Variants in ANO4 observed in about 807,000 individuals in gnomAD.
ANO4 encodes anoctamin 4.
A neutral mutation model predicts 141.9 loss-of-function variants in ANO4; 69 were observed. The ratio of observed to expected loss-of-function variants is 0.49; its 90% CI spans 0.40 to 0.59. The LOEUF (loss-of-function observed/expected upper bound fraction) is 0.59, where lower values mean the gene tolerates loss of function less well. ANO4 is among the 20% of genes least tolerant of loss of function. The pLI is 0.00. For missense variants in ANO4, 894 were observed against 1,162.2 expected (o/e 0.77, Z 3.36); for synonymous variants, 350 against 394.3 (o/e 0.89, Z 1.33).
chr12:100,977,931 G>C (rs1368394206), intron 7 of ANO4, among the ~76,000 whole-genome samples: 1 of 152,150 alleles, frequency 6.6e-6, no homozygotes, highest in African/African-American at 2.4e-5. Context: ...GCTCACGTGG[G>C]TTTATGTGCT....
intron 3 of ANO4, among the ~76,000 whole-genome samples, chr12:100,780,033 G>GT (rs926416709): frequency 2.0e-5 from 3 of 151,530 alleles, no homozygotes; most frequent in Admixed American, 6.6e-5. Flanking sequence ...TTTTCAATTT[G>GT]TTTTTTTTAA....
chr12:101,063,745 C>CTTTTT lies in ANO4; in HGVS notation c.1312+15373_1312+15377dup. Reference sequence around the variant, plus strand: ...ATGGATGGAAGGTTGTCCAGGTTATCTTTTTTTTTTTTTTTTTTTTTTTTT... The same window carrying CTTTTT: ...ATGGATGGAAGGTTGTCCAGGTTATCTTTTTTTTTTTTTTTTTTTTTTTTTTTTTT... On this transcript the variant is annotated intron_variant, in intron 14 of 27. Transcript: ENST00000392977. Among the ~76,000 whole-genome samples the CTTTTT allele has an allele frequency of 7.9e-3, 195 of 24,800 alleles. 43 individuals are homozygous for CTTTTT. Among genetic ancestry groups the CTTTTT allele is most frequent in the Middle Eastern group, 0.056 (1 of 18 alleles). The allele number at this position is 24,800 out of a possible 152,430, so 16.3% of individuals were successfully genotyped here.
rs115294099 is a variant in ANO4 at position 100,995,891 on chromosome 12, G to A, written c.734+8221G>A. ...AAAGGAGCAAGGCAGAATTGGCATT[G>A]TTACCGCTGGGGGACAGAGCCAGGG... On this transcript the variant is annotated intron_variant, in intron 8 of 27. Coordinates refer to ENST00000392977, the MANE Select transcript of ANO4 (RefSeq NM_001286615.2). 9.1e-3 allele frequency among the ~76,000 whole-genome samples: 1,393 copies of A among 152,318 alleles called. 28 individuals are homozygous for A. Among genetic ancestry groups the A allele is most frequent in the African/African-American group, 0.032 (1,330 of 41,580 alleles).
chr12:100,995,991 C>T (rs545652322), intron 8 of ANO4, among the ~76,000 whole-genome samples: 20 of 152,328 alleles, frequency 1.3e-4, no homozygotes, highest in South Asian at 4.1e-4. Flanking sequence ...GTGAAAAATG[C>T]GGTCAACCAC....
At chr12:101,114,151 C>G (rs1298474851) in intron 24 of ANO4, among the ~76,000 whole-genome samples, 2 of 152,206 alleles carry the variant, frequency 1.3e-5, no homozygotes, top group African/African-American at 4.8e-5. Flanking sequence ...TCTCTACTAC[C>G]TGTGACCTTC....
chr12:100,752,619 T>C (rs1354026947), intron 3 of ANO4, among the ~76,000 whole-genome samples: 1 of 152,132 alleles, frequency 6.6e-6, no homozygotes, highest in Non-Finnish European at 1.5e-5. Context: ...TGTGTGTGTG[T>C]GTGAGGTCTG....
chr12:100,962,422 C>T (rs1187726902), intron 5 of ANO4, among the ~76,000 whole-genome samples: 1 of 152,064 alleles, frequency 6.6e-6, no homozygotes, highest in Non-Finnish European at 1.5e-5. Flanking sequence ...AGTTTTATAT[C>T]GCGGCTGAAG....
intron 2 of ANO4, among the ~76,000 whole-genome samples, chr12:100,913,889 T>C (rs914802140): frequency 6.6e-6 from 1 of 152,222 alleles, no homozygotes; most frequent in Admixed American, 6.5e-5. Flanking sequence ...CCTTCTCATA[T>C]TTATCTCAAG....
chr12:100,718,063 A>G (rs1202620426), intron 1 of ANO4, among the ~76,000 whole-genome samples: 3 of 152,244 alleles, frequency 2.0e-5, no homozygotes, highest in Non-Finnish European at 4.4e-5. Flanking sequence ...CAAAAAAAGA[A>G]ATCAGTTTGG....
intron 9 of ANO4, among the ~76,000 whole-genome samples, chr12:101,035,944 C>G (rs552892576): frequency 6.6e-6 from 1 of 152,106 alleles, no homozygotes. Flanking sequence ...ACCAAATCCC[C>G]CAACACACAA....
At chr12:101,025,172 A>G (rs2046681911) in intron 9 of ANO4, among the ~76,000 whole-genome samples, 1 of 152,256 alleles carries the variant, frequency 6.6e-6, no homozygotes, top group Non-Finnish European at 1.5e-5. Context: ...AAACAATCAC[A>G]AAAGAAAAAA....
At chr12:100,937,180 G>A (rs898520271) in intron 3 of ANO4, among the ~76,000 whole-genome samples, 7 of 152,082 alleles carry the variant, frequency 4.6e-5, no homozygotes, top group East Asian at 3.9e-4. Context: ...CCATCTTCAG[G>A]TCATCATTCT....
At chr12:100,732,599 C>T (rs1331690349) in intron 1 of ANO4, among the ~76,000 whole-genome samples, 1 of 151,952 alleles carries the variant, frequency 6.6e-6, no homozygotes, top group Non-Finnish European at 1.5e-5. Flanking sequence ...TTTCATGGAT[C>T]TTGTCTTTGG....
chr12:100,827,648 TTGA>T (rs2036424289), intron 1 of ANO4, among the ~76,000 whole-genome samples: 2 of 151,936 alleles, frequency 1.3e-5, no homozygotes, highest in South Asian at 4.1e-4. Flanking sequence ...ATGTCAATAT[TTGA>T]TGATATAAAT....
At chr12:100,789,486 T>G (rs755211267) in intron 3 of ANO4, among the ~76,000 whole-genome samples, 2 of 152,246 alleles carry the variant, frequency 1.3e-5, no homozygotes, top group Non-Finnish European at 2.9e-5. Flanking sequence ...ACAATAGCTA[T>G]GCCTACTACC....
In ANO4 at chr12:101,014,996, A is replaced by ATTTTTTTTTTT. The variant is rs10685175; in HGVS notation, c.735-5037_735-5027dup. 6.3e-5 allele frequency among the ~76,000 whole-genome samples: 9 copies of ATTTTTTTTTTT among 143,588 alleles called. 1 individual carries two copies. The highest frequency in any genetic ancestry group is 9.2e-5 in the Non-Finnish European group (6 of 65,448). The allele number at this position is 143,588 out of a possible 152,430, so 94.2% of individuals were successfully genotyped here. ...AGGTTCACACCACCACACCCAGCTA[A>ATTTTTTTTTTT]TTTTTTTTTTTGTAGAGATGGGGTC... On this transcript the variant is annotated intron_variant, in intron 8 of 27. Transcript: ENST00000392977.
intron 1 of ANO4, among the ~76,000 whole-genome samples, chr12:100,729,415 A>G (rs2031291887): frequency 1.4e-5 from 2 of 144,250 alleles, no homozygotes; most frequent in South Asian, 2.3e-4. Context: ...AACACGTTCT[A>G]TGTGGTAGGT....
intron 9 of ANO4, among the ~76,000 whole-genome samples, chr12:101,030,869 C>T (rs2046946414): frequency 6.6e-6 from 1 of 152,130 alleles, no homozygotes; most frequent in African/African-American, 2.4e-5. Context: ...CAGACACTCT[C>T]CCAAGGCTCA....
At chr12:101,006,377 T>C (rs1160162034) in intron 8 of ANO4, among the ~76,000 whole-genome samples, 4 of 152,326 alleles carry the variant, frequency 2.6e-5, no homozygotes, top group Admixed American at 6.5e-5. Flanking sequence ...GACACATGGG[T>C]GAATAAGACC....
Sources: gnomAD v4.1 joint callset for allele counts (sites outside exome capture counted in the v4.1 genomes callset) on GRCh38, gnomAD v4.1.1 for gene constraint, MANE v1.5 for transcripts, NCBI Gene and HGNC (gene_info 2026-07-23, HGNC 2026-07-21) for gene names.